The following TRIO variants were observed in gnomAD, a reference collection of about 807,000 sequenced individuals.
TRIO encodes the protein trio Rho guanine nucleotide exchange factor.
A neutral mutation model predicts 351.9 loss-of-function variants in TRIO; 58 were observed. The ratio of observed to expected loss-of-function variants is 0.16; its 90% confidence interval spans 0.13 to 0.21. TRIO has a LOEUF of 0.21. TRIO is among the 10% of genes least tolerant of loss of function. The pLI, the probability that TRIO is intolerant of heterozygous loss-of-function variation, is 1.00. For synonymous variants in TRIO, 1,758 were observed against 1,595.7 expected (o/e 1.10, Z -2.42); for missense variants, 3,201 against 4,027.8 (o/e 0.79, Z 5.56).
chr5:14,391,527 G>A (rs1002610833), intron 27 of TRIO, among the ~76,000 whole-genome samples: 5 of 152,216 alleles, frequency 3.3e-5, no homozygotes, highest in African/African-American at 9.6e-5. Flanking sequence ...TGGAGTAAAC[G>A]TAGATACAGG....
intron 5 of TRIO, 75 bp downstream of exon 5, chr5:14,291,303 A>G: frequency 1.3e-6 from 2 of 1,499,256 alleles, no homozygotes; most frequent in Non-Finnish European, 1.8e-6. Flanking sequence ...GGAAGGAAAG[A>G]GAAAAGGTGG....
In TRIO at chr5:14,447,109, A is replaced by G. The variant is rs1752495589; in HGVS notation, c.5204-13910A>G. Among the ~76,000 whole-genome samples the G allele has an allele frequency of 2.0e-5, 3 of 152,116 alleles. No individual in the cohort carries two copies. The South Asian group carries it at 6.2e-4, about 32-fold the overall frequency. ...TAGTCGGGTGTGGTGGCGGGCACCT[A>G]TAATTCCAGCTGCTCGGGAGGCTAA... On this transcript the variant is annotated intron_variant, in intron 34 of 56. Transcript: ENST00000344204.
chr5:14,144,223 T>C (rs1384720293), intron 1 of TRIO, among the ~76,000 whole-genome samples: 1 of 152,044 alleles, frequency 6.6e-6, no homozygotes, highest in African/African-American at 2.4e-5. Flanking sequence ...TTTGTCTCTT[T>C]CGCTGGAGGA....
intron 1 of TRIO, among the ~76,000 whole-genome samples, chr5:14,223,046 C>T (rs1368318149): frequency 6.6e-6 from 1 of 152,142 alleles, no homozygotes; most frequent in Non-Finnish European, 1.5e-5. Context: ...TTTGAGACCT[C>T]CTCCTTCCAT....
rs1016306493 is a variant in TRIO, at chr5:14,406,641, G to A, written c.4928G>A (p.Arg1643Gln). The change falls in exon 33 of 57, where the codon CGG (arginine) becomes CAG (glutamine). Residue 1643 changes from arginine to glutamine, a missense_variant. Physicochemically the swap from Arg to Gln is conservative, Grantham distance 43. Around this residue, in one of 19 missense-constraint regions of TRIO, gnomAD observed 136 missense variants for 229.5 expected, o/e 0.59. Coordinates refer to ENST00000344204, the MANE Select transcript of TRIO (RefSeq NM_007118.4). Reference protein sequence around the residue: ...SQPDTISIASRTSQNTLDSDK... With the variant: ...SQPDTISIASQTSQNTLDSDK... ...CCTGATACGATTTCCATCGCCTCAC[G>A]GACGTCTCAGAACACGCTGGACAGC... The A allele has an allele frequency of 6.2e-6, 10 of 1,614,046 alleles. No homozygotes were observed. The highest frequency in any genetic ancestry group is 8.5e-6 in the Non-Finnish European group (10 of 1,179,954).
At position 14,293,146 on chromosome 5, in the gene TRIO, G is replaced by A. The variant is rs760453650; in HGVS notation, c.1176+12G>A. On this transcript the variant is annotated intron_variant, in intron 6 of 56. Coordinates refer to ENST00000344204, the MANE Select transcript of TRIO (RefSeq NM_007118.4). ...CCATGAACTGTATGGTAAGACACTC[G>A]GAACAGCTGGACCCTGGCATGTGAC... The A allele has an allele frequency of 4.2e-5, 67 of 1,613,806 alleles. No homozygotes were observed. The highest frequency in any genetic ancestry group is 7.7e-5 in the South Asian group (7 of 91,052).
chr5:14,248,081 A>AG (rs386403069), intron 1 of TRIO, among the ~76,000 whole-genome samples: 30 of 150,076 alleles, frequency 2.0e-4, no homozygotes, highest in Admixed American at 1.6e-3. Flanking sequence ...AAAAAAAAAA[A>AG]GAAAATATAG....
In TRIO at chr5:14,364,053, T is replaced by C. The variant is rs1312785789; in HGVS notation, c.2587+126T>C. Reference sequence around the variant, plus strand: ...ATGATAAAGGTATTATAGATACCTGTTCTTTAAAAGAACGTTTGCATTTTT... The same window carrying C: ...ATGATAAAGGTATTATAGATACCTGCTCTTTAAAAGAACGTTTGCATTTTT... On this transcript the variant is annotated intron_variant, in intron 14 of 56. Coordinates refer to ENST00000344204, the MANE Select transcript of TRIO (RefSeq NM_007118.4). The C allele has an allele frequency of 2.2e-5, 20 of 907,432 alleles. No individual in the cohort carries two copies. The Admixed American group carries it at 6.1e-4, about 28-fold the overall frequency. 56.2% of individuals were successfully genotyped at this position (907,432 alleles called of 1,614,324 possible).
chr5:14,211,590 G>GTTTTTTTTTTTTTTTTTTTTTTTTT (rs33992664), intron 1 of TRIO, among the ~76,000 whole-genome samples: 1 of 120,070 alleles, frequency 8.3e-6, no homozygotes, highest in Non-Finnish European at 1.7e-5. Context: ...ACACTCAGTT[G>GTTTTTTTTTTTTTTTTTTTTTTTTT]TTTTTTTTTT....
At chr5:14,397,994 G>A (rs1455317233) in intron 29 of TRIO, among the ~76,000 whole-genome samples, 1 of 152,174 alleles carries the variant, frequency 6.6e-6, no homozygotes, top group African/African-American at 2.4e-5. Context: ...GCAGGAAGTG[G>A]GGAAGAAAGT....
In TRIO at chr5:14,462,660, C is replaced by A. The variant is rs559619427; in HGVS notation, c.5497-95C>A. ...GCTTTGTTCCTGATTTCTGCCATCCCAGTCTCTGTCCCCACCTTGCTTCTC... is the reference window on the plus strand; with the variant it reads ...GCTTTGTTCCTGATTTCTGCCATCCAAGTCTCTGTCCCCACCTTGCTTCTC... On this transcript the variant is annotated intron_variant, in intron 35 of 56. Coordinates refer to ENST00000344204, the MANE Select transcript of TRIO (RefSeq NM_007118.4). 7 of 1,510,604 alleles carry A rather than the reference C, an allele frequency of 4.6e-6. No individual in the cohort carries two copies. In the East Asian group the frequency reaches 1.7e-4, roughly 36 times the overall value. The allele number at this position is 1,510,604 out of a possible 1,614,324, so 93.6% of individuals were successfully genotyped here.
intron 1 of TRIO, among the ~76,000 whole-genome samples, chr5:14,249,726 A>G (rs1280559156): frequency 2.0e-5 from 3 of 152,180 alleles, no homozygotes; most frequent in Non-Finnish European, 4.4e-5. Context: ...AAAAATGAGC[A>G]GAACAGCATT....
intron 48 of TRIO, 158 bp downstream of exon 48, chr5:14,488,418 GCCC>G (rs2126642207): frequency 9.1e-7 from 1 of 1,100,120 alleles, no homozygotes; most frequent in East Asian, 2.6e-5. Flanking sequence ...CTGCGGGCCG[GCCC>G]ACGGCGCTAC....
At chr5:14,191,875 G>C (rs868391447) in intron 1 of TRIO, among the ~76,000 whole-genome samples, 3 of 152,104 alleles carry the variant, frequency 2.0e-5, no homozygotes, top group Non-Finnish European at 4.4e-5. Context: ...TGATTTTGTT[G>C]ATTAACCTTT....
At chr5:14,374,892 A>G (rs1359327468) in intron 19 of TRIO, among the ~76,000 whole-genome samples, 1 of 152,150 alleles carries the variant, frequency 6.6e-6, no homozygotes, top group Non-Finnish European at 1.5e-5. Context: ...GGGAAAACGT[A>G]TACTAAATTG....
At chr5:14,144,606 G>A (rs1581223203) in intron 1 of TRIO, among the ~76,000 whole-genome samples, 1 of 152,062 alleles carries the variant, frequency 6.6e-6, no homozygotes, top group Admixed American at 6.5e-5. Context: ...CGGGGCTGGG[G>A]CTCGCGGGGC....
chr5:14,358,123 C>T, intron 11 of TRIO, 55 bp from the exon 12 acceptor site: 1 of 1,564,726 alleles, frequency 6.4e-7, no homozygotes, highest in Non-Finnish European at 8.7e-7. Context: ...ACCGGGCGGC[C>T]CACCTGGTGG....
intron 19 of TRIO, among the ~76,000 whole-genome samples, chr5:14,374,668 C>A (rs969370014): frequency 6.6e-6 from 1 of 152,072 alleles, no homozygotes; most frequent in African/African-American, 2.4e-5. Context: ...AAAGGGAAAA[C>A]CAGAGTTATC....
At chr5:14,320,088 T>C (rs1217064569) in intron 9 of TRIO, among the ~76,000 whole-genome samples, 3 of 140,378 alleles carry the variant, frequency 2.1e-5, no homozygotes, top group African/African-American at 8.1e-5. Flanking sequence ...AAAAAGAAAA[T>C]GGAAATTTTT....
Sources: gnomAD v4.1 joint callset for allele counts (sites outside exome capture counted in the v4.1 genomes callset) on GRCh38, gnomAD v4.1.1 for gene constraint, gnomAD v4.1.1 regional missense constraint, MANE v1.5 for transcripts, NCBI Gene and HGNC (gene_info 2026-07-23, HGNC 2026-07-21) for gene names.